Variants in MTHFD1L observed in about 807,000 individuals in gnomAD.
MTHFD1L encodes monofunctional C1-tetrahydrofolate synthase, mitochondrial.
In MTHFD1L, 81 loss-of-function variants were observed where a neutral mutation model predicts 119.5. The observed-to-expected ratio is 0.68, with a 90% CI of 0.57 to 0.82. The LOEUF is 0.82. MTHFD1L is among the 40% of genes least tolerant of loss of function. MTHFD1L has a pLI of 0.00. For synonymous variants in MTHFD1L, 430 were observed against 475.2 expected (o/e 0.90, Z 1.24); for missense variants, 1,125 against 1,253.4 (o/e 0.90, Z 1.55).
chr6:151,100,322 T>G (rs1795273026), intron 27 of MTHFD1L, among the ~76,000 whole-genome samples: 1 of 152,156 alleles, frequency 6.6e-6, no homozygotes, highest in South Asian at 2.1e-4. Flanking sequence ...TTATTTTTGT[T>G]CATCTTTGTT....
At chr6:151,030,136 C>G (rs1185187696) in intron 24 of MTHFD1L, among the ~76,000 whole-genome samples, 3 of 152,132 alleles carry the variant, frequency 2.0e-5, no homozygotes, top group African/African-American at 7.2e-5. Context: ...GTGTGCAGTA[C>G]AGTGATGTAT....
intron 7 of MTHFD1L, among the ~76,000 whole-genome samples, chr6:150,889,454 ACCC>A (rs1782868459): frequency 1.3e-5 from 2 of 152,186 alleles, no homozygotes; most frequent in Non-Finnish European, 2.9e-5. Flanking sequence ...ATTTTTAAAA[ACCC>A]CAAAGTTTTT....
At chr6:151,043,503 G>A (rs1787466711) in intron 26 of MTHFD1L, among the ~76,000 whole-genome samples, 1 of 152,020 alleles carries the variant, frequency 6.6e-6, no homozygotes, top group Non-Finnish European at 1.5e-5. Context: ...CTGACCTCAA[G>A]TAAGCCACTG....
In MTHFD1L at chr6:150,956,227, A is replaced by G. The variant is rs150259969; in HGVS notation, c.1803+156A>G. 1.7e-3 allele frequency among the ~76,000 whole-genome samples: 259 copies of G among 152,326 alleles called. 1 individual carries two copies. The highest frequency in any genetic ancestry group is 6.0e-3 in the African/African-American group (249 of 41,572). ...TGCTCAGCAGGGCTGGGAGAGGATC[A>G]GAAGACATAGAGGCTCCAGTGTCTT... On this transcript the variant is annotated intron_variant, in intron 17 of 27. Coordinates refer to ENST00000367321, the MANE Select transcript of MTHFD1L (RefSeq NM_015440.5).
intron 19 of MTHFD1L, among the ~76,000 whole-genome samples, chr6:150,965,783 C>T (rs1444787990): frequency 6.6e-6 from 1 of 151,864 alleles, no homozygotes. Context: ...TTTTGGTTTG[C>T]TTTTTTATTG....
chr6:151,049,181 C>T (rs980206139), intron 26 of MTHFD1L, among the ~76,000 whole-genome samples: 1 of 152,224 alleles, frequency 6.6e-6, no homozygotes, highest in Non-Finnish European at 1.5e-5. Context: ...CATGGTGAAA[C>T]CCCATCTCTA....
intron 4 of MTHFD1L, among the ~76,000 whole-genome samples, chr6:150,878,305 G>A (rs1394066002): frequency 1.3e-5 from 2 of 151,600 alleles, no homozygotes; most frequent in Non-Finnish European, 2.9e-5. Flanking sequence ...AGGCTGGAGT[G>A]CAATGGTGCC....
intron 16 of MTHFD1L, among the ~76,000 whole-genome samples, chr6:150,955,518 TA>T (rs1562449009): frequency 3.7e-4 from 43 of 117,328 alleles, no homozygotes; most frequent in African/African-American, 5.2e-4. Flanking sequence ...TTTTTTTTTT[TA>T]GAGGGGGTCT....
chr6:150,866,168 C>T, intron 1 of MTHFD1L, 119 bp downstream of exon 1: 2 of 1,376,860 alleles, frequency 1.5e-6, no homozygotes, highest in Non-Finnish European at 1.9e-6. Flanking sequence ...TTGGTGCCAA[C>T]TCATTAGGGG....
At chr6:150,871,636 AGACT>A (rs1779534037) in intron 1 of MTHFD1L, among the ~76,000 whole-genome samples, 1 of 146,712 alleles carries the variant, frequency 6.8e-6, no homozygotes, top group Admixed American at 6.9e-5. Flanking sequence ...TGAGTAGCTG[AGACT>A]ACAGGCGCCT....
chr6:151,092,632 G>C, intron 27 of MTHFD1L, 45 bp downstream of exon 27: 2 of 1,205,442 alleles, frequency 1.7e-6, no homozygotes, highest in South Asian at 2.8e-5. Flanking sequence ...TTTTTTTCCA[G>C]TTCATATCCT....
At chr6:150,866,724 TCC>T in intron 1 of MTHFD1L, 1 of 1,083,438 alleles carries the variant, frequency 9.2e-7, no homozygotes, top group Non-Finnish European at 1.1e-6. Flanking sequence ...GCCCACGGAG[TCC>T]CCGCGCAGCT....
At chr6:150,927,837 T>C (rs1399461074) in intron 11 of MTHFD1L, among the ~76,000 whole-genome samples, 1 of 152,024 alleles carries the variant, frequency 6.6e-6, no homozygotes, top group Non-Finnish European at 1.5e-5. Context: ...GGAGATCCCA[T>C]CTTACACATC....
intron 24 of MTHFD1L, among the ~76,000 whole-genome samples, chr6:151,026,599 T>C (rs1193826867): frequency 6.6e-6 from 1 of 152,154 alleles, no homozygotes; most frequent in Non-Finnish European, 1.5e-5. Context: ...GTTACATTTT[T>C]GGTGAATATG....
At chr6:150,924,565 C>T (rs1415632079) in intron 10 of MTHFD1L, among the ~76,000 whole-genome samples, 1 of 152,202 alleles carries the variant, frequency 6.6e-6, no homozygotes, top group Non-Finnish European at 1.5e-5. Context: ...CAACCTCCGC[C>T]TCCCAGGTTC....
chr6:150,947,006 C>T (rs1021701069), intron 15 of MTHFD1L, among the ~76,000 whole-genome samples: 3 of 149,578 alleles, frequency 2.0e-5, no homozygotes, highest in African/African-American at 4.9e-5. Flanking sequence ...ACCCAGGAGG[C>T]GGAGCTTGCA....
chr6:150,952,673 G>T (rs568133581), intron 16 of MTHFD1L, among the ~76,000 whole-genome samples: 1 of 152,238 alleles, frequency 6.6e-6, no homozygotes, highest in Non-Finnish European at 1.5e-5. Context: ...GGGACTACAG[G>T]CATGCGCCAC....
At chr6:151,088,092 C>A (rs920501123) in intron 26 of MTHFD1L, 1 of 152,126 alleles carries the variant, frequency 6.6e-6, no homozygotes, top group Non-Finnish European at 1.5e-5. Flanking sequence ...GGGTGACAAT[C>A]CTTTGATAAC....
chr6:150,933,958 G>A (rs992564699), intron 11 of MTHFD1L, among the ~76,000 whole-genome samples: 4 of 152,054 alleles, frequency 2.6e-5, no homozygotes, highest in African/African-American at 7.2e-5. Flanking sequence ...GTTTCCTTTT[G>A]GACTCTCTTC....
Sources: gnomAD v4.1 joint callset for allele counts (sites outside exome capture counted in the v4.1 genomes callset) on GRCh38, gnomAD v4.1.1 for gene constraint, MANE v1.5 for transcripts, NCBI Gene and HGNC (gene_info 2026-07-23, HGNC 2026-07-21) for gene names.